Variants in DDIAS observed in about 807,000 individuals in gnomAD.
The protein encoded by DDIAS is DNA damage induced apoptosis suppressor.
In DDIAS, 14 loss-of-function variants were observed where a neutral mutation model predicts 15.7. That is an observed-to-expected ratio of 0.89 (90% CI 0.59 to 1.39). The LOEUF is 1.39. DDIAS is among the 40% of genes most tolerant of loss of function. DDIAS has a pLI of 0.00. For missense variants in DDIAS, 1,035 were observed against 1,130.9 expected (o/e 0.92, Z 1.22); for synonymous variants, 355 against 395.9 (o/e 0.90, Z 1.23).
intron 3 of DDIAS, among the ~76,000 whole-genome samples, chr11:82,915,889 ATGT>A (rs1397873907): frequency 6.6e-6 from 1 of 152,190 alleles, no homozygotes; most frequent in Non-Finnish European, 1.5e-5. Context: ...TCCTTACTTA[ATGT>A]TGTTGGATTC....
rs1206583335 is a variant in DDIAS, at chr11:82,901,809, GTCT to G, written c.-126_-124del. On this transcript the variant is annotated 5_prime_UTR_variant, in exon 1 of 6. Coordinates refer to ENST00000533655, the MANE Select transcript of DDIAS (RefSeq NM_145018.4). Reference sequence around the variant, plus strand: ...TGTGCGTCGCCTGGGCCCGTTCCTGGTCTTCTCCCCCAGGTGAGCTGGGTAAAG... The same window carrying G: ...TGTGCGTCGCCTGGGCCCGTTCCTGGTCTCCCCCAGGTGAGCTGGGTAAAG... 1.3e-5 allele frequency: 2 copies of G among 152,080 alleles called. No individual in the cohort carries two copies. The highest frequency in any genetic ancestry group is 4.8e-5 in the African/African-American group (2 of 41,394). The allele number at this position is 152,080 out of a possible 1,614,324, so 9.4% of individuals were successfully genotyped here. A position where few individuals can be genotyped will look rare whatever the true frequency, so the allele number is the denominator to read the frequency against.
In DDIAS at chr11:82,932,238, A is replaced by G; in HGVS notation, c.900A>G (p.Ser300=). 1 of 1,613,718 alleles carries G rather than the reference A, an allele frequency of 6.2e-7. No individual in the cohort carries two copies. The highest frequency in any genetic ancestry group is 8.5e-7 in the Non-Finnish European group (1 of 1,179,884). ...DPIQDSWSLV[S]YMDKKSTAEK... ...TTCAGGATTCATGGAGCCTTGTTTC[A>G]TATATGGATAAAAAGAGTACAGCAG... The change falls in exon 6 of 6, where the codon TCA becomes TCG. Residue 300 remains serine (S), a synonymous_variant. Transcript: ENST00000533655.
chr11:82,919,556 T>C (rs1276628450), intron 3 of DDIAS, among the ~76,000 whole-genome samples: 1 of 152,204 alleles, frequency 6.6e-6, no homozygotes, highest in Non-Finnish European at 1.5e-5. Flanking sequence ...GGGCAGTAGT[T>C]TTCTTTTTTG....
At chr11:82,908,943 C>T (rs1002247731) in intron 1 of DDIAS, among the ~76,000 whole-genome samples, 3 of 152,162 alleles carry the variant, frequency 2.0e-5, no homozygotes, top group African/African-American at 7.2e-5. Flanking sequence ...TGCTCAGCCC[C>T]TTGGGTCACT....
At chr11:82,909,890 G>T (rs1860493523) in intron 1 of DDIAS, among the ~76,000 whole-genome samples, 1 of 152,102 alleles carries the variant, frequency 6.6e-6, no homozygotes, top group African/African-American at 2.4e-5. Flanking sequence ...TCTTTCATCT[G>T]TAAATTTCCA....
intron 3 of DDIAS, among the ~76,000 whole-genome samples, chr11:82,917,963 C>CTTAGCCT (rs1860664136): frequency 6.6e-6 from 1 of 152,190 alleles, no homozygotes; most frequent in Non-Finnish European, 1.5e-5. Context: ...TGTCCTTAGC[C>CTTAGCCT]TACTGTTTGA....
chr11:82,921,663 C>T (rs189501988), intron 3 of DDIAS, among the ~76,000 whole-genome samples: 56 of 150,328 alleles, frequency 3.7e-4, no homozygotes, highest in African/African-American at 1.2e-3. Context: ...CTGCACCCTC[C>T]GCCCCCCCAG....
chr11:82,929,425 C>T (rs1026962231), intron 4 of DDIAS, among the ~76,000 whole-genome samples: 21 of 152,156 alleles, frequency 1.4e-4, no homozygotes, highest in Admixed American at 1.1e-3. Context: ...TTTTCTTGGC[C>T]GGGCGCGGTA....
chr11:82,924,657 TAAAC>T (rs1860821686), intron 3 of DDIAS, among the ~76,000 whole-genome samples: 4 of 151,780 alleles, frequency 2.6e-5, no homozygotes, highest in African/African-American at 9.7e-5. Context: ...CTACCAAAAA[TAAAC>T]AAAATTAGGC....
intron 1 of DDIAS, among the ~76,000 whole-genome samples, chr11:82,907,774 C>A (rs1860460732): frequency 6.6e-6 from 1 of 152,190 alleles, no homozygotes; most frequent in Non-Finnish European, 1.5e-5. Context: ...CTGGTGGGCT[C>A]AAGCAATCCT....
Position 82,933,726 on chromosome 11 carries a change from A to G in DDIAS, c.2388A>G (p.Val796=). The part of the protein sequence containing the change: ...HGINRAFKKP[V]FYSDLDGNYE... ...TAAACAGAGCTTTCAAAAAACCTGT[A>G]TTTTATTCAGATCTTGATGGTAACT... Residue 796 remains valine (V), a synonymous_variant, in exon 6 of 6, where the codon GTA becomes GTG. Coordinates refer to ENST00000533655, the MANE Select transcript of DDIAS (RefSeq NM_145018.4). The G allele has an allele frequency of 6.2e-7, 1 of 1,612,780 alleles. No individual in the cohort carries two copies. Among genetic ancestry groups the G allele is most frequent in the South Asian group, 1.1e-5 (1 of 90,526 alleles).
chr11:82,914,336 G>T (rs138639209), intron 2 of DDIAS, among the ~76,000 whole-genome samples: 129 of 152,352 alleles, frequency 8.5e-4, no homozygotes, highest in African/African-American at 3.0e-3. Context: ...AAACATTTCA[G>T]ATTTTGGGTT....
At position 82,910,228 on chromosome 11, in the gene DDIAS, A is replaced by G. The variant is rs373919015; in HGVS notation, c.-116-3059A>G. 6.6e-5 allele frequency among the ~76,000 whole-genome samples: 10 copies of G among 151,270 alleles called. No homozygotes were observed. In the East Asian group the frequency reaches 1.8e-3, roughly 27 times the overall value. On this transcript the variant is annotated intron_variant, in intron 1 of 5. Coordinates refer to ENST00000533655, the MANE Select transcript of DDIAS (RefSeq NM_145018.4). ...TGTTGTAAGGCATGTATTTTATGTT[A>G]TATGTTTTATGTTATGCTAATCCAT...
At chr11:82,909,796 A>G (rs1303356203) in intron 1 of DDIAS, among the ~76,000 whole-genome samples, 2 of 152,224 alleles carry the variant, frequency 1.3e-5, no homozygotes, top group Non-Finnish European at 2.9e-5. Flanking sequence ...GAGTCCCAAC[A>G]AGGATAGCAA....
intron 1 of DDIAS, 56 bp downstream of exon 1, chr11:82,901,878 G>A (rs773047262): frequency 5.3e-5 from 8 of 152,196 alleles, no homozygotes; most frequent in Non-Finnish European, 1.2e-4. Context: ...TCCTAAGGAG[G>A]CTCTTAACTT....
At chr11:82,924,883 C>T (rs1860826991) in intron 3 of DDIAS, among the ~76,000 whole-genome samples, 1 of 151,822 alleles carries the variant, frequency 6.6e-6, no homozygotes, top group Non-Finnish European at 1.5e-5. Context: ...TGGGATCAAA[C>T]AAAAAAGATA....
At chr11:82,906,394 T>C (rs1405539603) in intron 1 of DDIAS, among the ~76,000 whole-genome samples, 1 of 152,142 alleles carries the variant, frequency 6.6e-6, no homozygotes. Context: ...ATAAAGACAA[T>C]GTAACCAACC....
chr11:82,909,402 C>T (rs549960106), intron 1 of DDIAS: 4 of 152,228 alleles, frequency 2.6e-5, no homozygotes, highest in African/African-American at 9.6e-5. Flanking sequence ...TATTTTGTGC[C>T]GACCTCATAT....
intron 3 of DDIAS, among the ~76,000 whole-genome samples, chr11:82,915,967 T>A (rs890911347): frequency 7.2e-5 from 11 of 152,214 alleles, no homozygotes; most frequent in Non-Finnish European, 4.4e-5. Context: ...ATCAACGTTA[T>A]AATGATGTTG....
Sources: gnomAD v4.1 joint callset for allele counts (sites outside exome capture counted in the v4.1 genomes callset) on GRCh38, gnomAD v4.1.1 for gene constraint, MANE v1.5 for transcripts, NCBI Gene and HGNC (gene_info 2026-07-23, HGNC 2026-07-21) for gene names.